The following NMNAT1 variants were observed in gnomAD, a reference collection of about 807,000 sequenced individuals.
The protein encoded by NMNAT1 is nicotinamide/nicotinic acid mononucleotide adenylyltransferase 1.
NMNAT1 carries 11 observed loss-of-function variants against 16.7 expected under a neutral mutation model. That is an observed-to-expected ratio of 0.66 (90% CI 0.41 to 1.09). The LOEUF (loss-of-function observed/expected upper bound fraction) is 1.09, where lower values mean the gene tolerates loss of function less well. NMNAT1 is among the 50% of genes least tolerant of loss of function. The pLI, the probability that NMNAT1 is intolerant of heterozygous loss-of-function variation, is 0.00. For missense variants in NMNAT1, 280 were observed against 332.3 expected (o/e 0.84, Z 1.22); for synonymous variants, 110 against 119.8 (o/e 0.92, Z 0.53).
chr1:9,943,093 G>A (rs1479840299), upstream of NMNAT1: 1 of 203,948 alleles, frequency 4.9e-6, no homozygotes, highest in Non-Finnish European at 1.1e-5. Context: ...ACAGGACTGG[G>A]TGAAGAATCA....
chr1:9,987,807 A>G (rs774584025), downstream of NMNAT1, among the ~76,000 whole-genome samples: 2 of 152,024 alleles, frequency 1.3e-5, no homozygotes, highest in Non-Finnish European at 2.9e-5. Flanking sequence ...CAGCCTGTGT[A>G]GCTGAGACCC....
chr1:9,946,543 A>G (rs532466600), intron 1 of NMNAT1, among the ~76,000 whole-genome samples: 1 of 152,316 alleles, frequency 6.6e-6, no homozygotes, highest in African/African-American at 2.4e-5. Context: ...GTGGCTAACA[A>G]GAAGTACCAG....
intron 1 of NMNAT1, among the ~76,000 whole-genome samples, chr1:9,963,192 C>G (rs1298247991): frequency 6.6e-6 from 1 of 152,052 alleles, no homozygotes; most frequent in East Asian, 1.9e-4. Flanking sequence ...AGTCAGGAAA[C>G]CTAAATTCTA....
chr1:9,975,222 C>T (rs1374216462), intron 2 of NMNAT1, among the ~76,000 whole-genome samples: 2 of 152,110 alleles, frequency 1.3e-5, no homozygotes, highest in African/African-American at 4.8e-5. Flanking sequence ...CAATATTGGC[C>T]AGGTGTGGTG....
At chr1:9,954,643 G>A (rs1641208142) in intron 1 of NMNAT1, among the ~76,000 whole-genome samples, 1 of 152,070 alleles carries the variant, frequency 6.6e-6, no homozygotes, top group East Asian at 1.9e-4. Flanking sequence ...TATAGCAGAA[G>A]GAATTTGGGC....
chr1:9,961,925 T>C (rs926803438), intron 1 of NMNAT1, among the ~76,000 whole-genome samples: 2 of 151,962 alleles, frequency 1.3e-5, no homozygotes, highest in Non-Finnish European at 2.9e-5. Flanking sequence ...TGTGCCACCA[T>C]ACCTGGCTAA....
At chr1:9,949,266 CA>C (rs1015966205) in intron 1 of NMNAT1, among the ~76,000 whole-genome samples, 121 of 131,468 alleles carry the variant, frequency 9.2e-4, no homozygotes, top group Admixed American at 7.7e-4. Flanking sequence ...GACTCTGTCT[CA>C]AAAAAAAAAA....
At position 9,954,071 on chromosome 1, in the gene NMNAT1, G is replaced by A. The variant is rs1641189038; in HGVS notation, c.-57+10556G>A. The stretch of plus-strand genomic sequence containing the variant: ...TCCACCTGCCTCGGCCTCCCAAAGT[G>A]CTGGGATTACAGGCATGAGCCACCG... On this transcript the variant is annotated intron_variant, in intron 1 of 4. Coordinates refer to ENST00000377205, the MANE Select transcript of NMNAT1 (RefSeq NM_022787.4). Among the ~76,000 whole-genome samples, 3 of 151,906 alleles carry A rather than the reference G, an allele frequency of 2.0e-5. No homozygotes were observed. In the South Asian group the frequency reaches 6.2e-4, roughly 32 times the overall value.
intron 1 of NMNAT1, among the ~76,000 whole-genome samples, chr1:9,960,445 T>C (rs956891608): frequency 7.2e-5 from 11 of 152,028 alleles, no homozygotes; most frequent in African/African-American, 2.7e-4. Flanking sequence ...GAGGATCACT[T>C]GAGGCCAGGA....
intron 3 of NMNAT1, among the ~76,000 whole-genome samples, chr1:9,979,566 C>G (rs1228217537): frequency 6.6e-6 from 1 of 152,096 alleles, no homozygotes; most frequent in Non-Finnish European, 1.5e-5. Context: ...TTTGGGAGGC[C>G]TAGGCGGGCA....
Position 9,982,795 on chromosome 1 carries a change from TA to T in NMNAT1, c.*97del. On this transcript the variant is annotated 3_prime_UTR_variant, in exon 5 of 5. Transcript: ENST00000377205. ...GGGAAAGAAGTTGTGATCTGTTGCC[TA>T]AACTAAAGCTTAAAAGTTTAGTAAA... 1.5e-6 allele frequency: 2 copies of T among 1,313,968 alleles called. No homozygotes were observed. The highest frequency in any genetic ancestry group is 3.0e-5 in the South Asian group (2 of 66,846). 81.4% of individuals were successfully genotyped at this position (1,313,968 alleles called of 1,614,324 possible).
Position 9,982,727 on chromosome 1 carries a change from C to T in NMNAT1, c.*26C>T. 1 of 1,556,656 alleles carries T rather than the reference C, an allele frequency of 6.4e-7. No individual in the cohort carries two copies. The highest frequency in any genetic ancestry group is 8.7e-7 in the Non-Finnish European group (1 of 1,151,366). On this transcript the variant is annotated 3_prime_UTR_variant, in exon 5 of 5. Transcript: ENST00000377205. ...GAATTCTACAGCATGATATTTCAGA[C>T]TTCCCATTTGGGGATCTGAAACAAT... is the stretch of plus-strand genomic sequence containing the variant.
intron 2 of NMNAT1, among the ~76,000 whole-genome samples, chr1:9,972,794 C>CA (rs1641718418): frequency 6.6e-6 from 1 of 151,762 alleles, no homozygotes; most frequent in Non-Finnish European, 1.5e-5. Flanking sequence ...CTCATCTCTA[C>CA]AAAAAAAATT....
the NMNAT1 span, among the ~76,000 whole-genome samples, chr1:9,991,185 ATTTTT>A: frequency 7.2e-6 from 1 of 139,658 alleles, no homozygotes. Context: ...AGTCAGCTGA[ATTTTT>A]TTTTTTTTTT....
At position 9,982,735 on chromosome 1, in the gene NMNAT1, T is replaced by G; in HGVS notation, c.*34T>G. On this transcript the variant is annotated 3_prime_UTR_variant, in exon 5 of 5. Coordinates refer to ENST00000377205, the MANE Select transcript of NMNAT1 (RefSeq NM_022787.4). Reference sequence around the variant, plus strand: ...CAGCATGATATTTCAGACTTCCCATTTGGGGATCTGAAACAATCTGGGAGT... The same window carrying G: ...CAGCATGATATTTCAGACTTCCCATGTGGGGATCTGAAACAATCTGGGAGT... 1 of 1,548,750 alleles carries G rather than the reference T, an allele frequency of 6.5e-7. No homozygotes were observed. The highest frequency in any genetic ancestry group is 8.7e-7 in the Non-Finnish European group (1 of 1,147,688).
rs2101716833 is a variant in NMNAT1, at chr1:9,982,835, C to T, written c.*134C>T. The T allele has an allele frequency of 1.1e-6, 1 of 918,480 alleles. No homozygotes were observed. Among genetic ancestry groups the T allele is most frequent in the East Asian group, 2.7e-5 (1 of 36,728 alleles). 56.9% of individuals were successfully genotyped at this position (918,480 alleles called of 1,614,324 possible). On this transcript the variant is annotated 3_prime_UTR_variant, in exon 5 of 5. Transcript: ENST00000377205. ...AAGTTTAGTAAAAATCGTCTGGGCA[C>T]AGTGGCTCACGCCTGTAATCCCAGC...
At chr1:9,953,071 C>G (rs1641155425) in intron 1 of NMNAT1, among the ~76,000 whole-genome samples, 1 of 151,574 alleles carries the variant, frequency 6.6e-6, no homozygotes, top group African/African-American at 2.4e-5. Flanking sequence ...ACCTCTGCCT[C>G]CTAGGTTCAA....
intron 1 of NMNAT1, chr1:9,950,561 AC>A (rs1641084441): frequency 6.6e-6 from 1 of 152,230 alleles, no homozygotes. Context: ...GAAAAACAGG[AC>A]CCAGATGGCT....
chr1:9,980,078 T>C (rs941707535), intron 3 of NMNAT1, among the ~76,000 whole-genome samples: 1 of 151,212 alleles, frequency 6.6e-6, no homozygotes, highest in Non-Finnish European at 1.5e-5. Context: ...ATTATAGGCA[T>C]GTGCCACCAC....
Sources: gnomAD v4.1 joint callset for allele counts (sites outside exome capture counted in the v4.1 genomes callset) on GRCh38, gnomAD v4.1.1 for gene constraint, MANE v1.5 for transcripts, NCBI Gene and HGNC (gene_info 2026-07-23, HGNC 2026-07-21) for gene names.